The following AMOTL1 variants were observed in gnomAD, a reference collection of about 807,000 sequenced individuals.
AMOTL1 encodes the protein angiomotin-like protein 1.
AMOTL1 carries 45 observed loss-of-function variants against 102.9 expected under a neutral mutation model. That is an observed-to-expected ratio of 0.44 (90% CI 0.34 to 0.56). The LOEUF is 0.56. Ranked by LOEUF, AMOTL1 falls within the 20% of genes least tolerant of loss-of-function variation. The pLI is 0.01. For synonymous variants in AMOTL1, 481 were observed against 484.7 expected, an observed-to-expected ratio of 0.99 and a Z score of 0.10; for missense variants, 1,114 against 1,225.6, an observed-to-expected ratio of 0.91 and a Z score of 1.36.
chr11:94,708,670 T>C (rs1216831922), intron 1 of AMOTL1, among the ~76,000 whole-genome samples: 1 of 152,234 alleles, frequency 6.6e-6, no homozygotes, highest in Non-Finnish European at 1.5e-5. Flanking sequence ...TAAGTATTCA[T>C]GTGTATGTGT....
At chr11:94,759,802 G>C (rs1159045322) in intron 3 of AMOTL1, among the ~76,000 whole-genome samples, 1 of 152,204 alleles carries the variant, frequency 6.6e-6, no homozygotes, top group Non-Finnish European at 1.5e-5. Context: ...GTTCAACATA[G>C]AAAACTGGAT....
Position 94,875,532 on chromosome 11 carries a change from G to A in AMOTL1, c.*4737G>A, listed in dbSNP as rs1171239683. ...CTATGTGCTCATTGACTATAGTGCT[G>A]CCAAGTAAAAATATCTTGGGAACTC... is the stretch of plus-strand genomic sequence containing the variant. On this transcript the variant is annotated 3_prime_UTR_variant, in exon 13 of 13. Transcript: ENST00000433060. 6.6e-6 allele frequency: 1 copy of A among 152,146 alleles called. No individual in the cohort carries two copies. The highest frequency in any genetic ancestry group is 2.4e-5 in the African/African-American group (1 of 41,418). 9.4% of individuals were successfully genotyped at this position (152,146 alleles called of 1,614,324 possible).
At chr11:94,746,922 T>G (rs1037230111) in intron 3 of AMOTL1, among the ~76,000 whole-genome samples, 1 of 152,054 alleles carries the variant, frequency 6.6e-6, no homozygotes, top group African/African-American at 2.4e-5. Context: ...TAAATATTTG[T>G]TGAATGACGG....
chr11:94,714,209 C>G (rs1950061113), intron 1 of AMOTL1, among the ~76,000 whole-genome samples: 1 of 151,964 alleles, frequency 6.6e-6, no homozygotes, highest in African/African-American at 2.4e-5. Flanking sequence ...AATATTGAAC[C>G]AGCCTTACAT....
At chr11:94,763,688 T>C (rs1950822059), upstream of AMOTL1, among the ~76,000 whole-genome samples, 1 of 152,124 alleles carries the variant, frequency 6.6e-6, no homozygotes. Flanking sequence ...GAAAAGAAAA[T>C]GTTATTAAGA....
intron 1 of AMOTL1, among the ~76,000 whole-genome samples, chr11:94,711,391 A>T (rs775423909): frequency 1.3e-5 from 2 of 152,118 alleles, no homozygotes; most frequent in Non-Finnish European, 2.9e-5. Context: ...CTATAGTACA[A>T]TATCAAAACC....
At chr11:94,718,418 T>TAA (rs1485684982) in intron 1 of AMOTL1, among the ~76,000 whole-genome samples, 2 of 152,052 alleles carry the variant, frequency 1.3e-5, no homozygotes, top group East Asian at 1.9e-4. Flanking sequence ...AATTGCTTTC[T>TAA]GTAGAATAGA....
At chr11:94,773,862 T>A (rs1464736893) in intron 1 of AMOTL1, among the ~76,000 whole-genome samples, 1 of 152,194 alleles carries the variant, frequency 6.6e-6, no homozygotes, top group Non-Finnish European at 1.5e-5. Context: ...GTTGAATAGA[T>A]TAAGAGTTAT....
chr11:94,773,424 C>G (rs1950981580), intron 1 of AMOTL1, among the ~76,000 whole-genome samples: 1 of 152,176 alleles, frequency 6.6e-6, no homozygotes, highest in South Asian at 2.1e-4. Context: ...AGCTTATAAA[C>G]CATCTATTAG....
chr11:94,831,488 G>A lies in AMOTL1; in HGVS notation c.1595G>A (p.Arg532Lys). 6.2e-7 allele frequency: 1 copy of A among 1,613,900 alleles called. No individual in the cohort carries two copies. Among genetic ancestry groups the A allele is most frequent in the Non-Finnish European group, 8.5e-7 (1 of 1,179,794 alleles). ...ACTGCTAACAGGCAACTATCCAGCA[G>A]GGAATACGAAGGGCATGAAGACAAA... ...LETANRQLSS[R>K]EYEGHEDKAA... The change falls in exon 6 of 13, where the codon AGG (arginine) becomes AAG (lysine). Residue 532 changes from arginine (R) to lysine (K), a missense_variant. Physicochemically the swap from Arg to Lys is conservative, Grantham distance 26. Coordinates refer to ENST00000433060, the MANE Select transcript of AMOTL1 (RefSeq NM_130847.3).
At chr11:94,832,503 T>C (rs761222870) in intron 6 of AMOTL1, among the ~76,000 whole-genome samples, 6 of 152,244 alleles carry the variant, frequency 3.9e-5, no homozygotes, top group Non-Finnish European at 8.8e-5. Context: ...TTCCAGCTAT[T>C]AATACTAGCT....
At chr11:94,848,621 G>T (rs1160280898) in intron 6 of AMOTL1, among the ~76,000 whole-genome samples, 1 of 152,180 alleles carries the variant, frequency 6.6e-6, no homozygotes, top group Admixed American at 6.5e-5. Flanking sequence ...GTCCCCACTG[G>T]CTGGGAGACC....
chr11:94,833,280 G>A (rs1952110551), intron 6 of AMOTL1, among the ~76,000 whole-genome samples: 1 of 152,168 alleles, frequency 6.6e-6, no homozygotes, highest in Non-Finnish European at 1.5e-5. Context: ...ATCTTTGCAG[G>A]ACACTTTGTG....
At chr11:94,846,154 G>A (rs993818509) in intron 6 of AMOTL1, among the ~76,000 whole-genome samples, 2 of 152,168 alleles carry the variant, frequency 1.3e-5, no homozygotes, top group Non-Finnish European at 2.9e-5. Context: ...TCACTGCCTT[G>A]ATACCCCATC....
At chr11:94,870,575 TG>T in intron 12 of AMOTL1, 113 bp from the exon 13 acceptor site, 1 of 685,140 alleles carries the variant, frequency 1.5e-6, no homozygotes, top group Non-Finnish European at 2.4e-6. Context: ...ACATGCCCTG[TG>T]GTGAGAATCC....
At chr11:94,848,857 A>G (rs1952474132) in intron 6 of AMOTL1, among the ~76,000 whole-genome samples, 1 of 152,242 alleles carries the variant, frequency 6.6e-6, no homozygotes, top group African/African-American at 2.4e-5. Flanking sequence ...TTCAGAACAC[A>G]TAGTGCTGGT....
At chr11:94,753,499 G>C (rs933971074) in intron 3 of AMOTL1, among the ~76,000 whole-genome samples, 2 of 152,120 alleles carry the variant, frequency 1.3e-5, no homozygotes, top group Non-Finnish European at 2.9e-5. Context: ...TATTTATTGA[G>C]TGCTTTTCAT....
At chr11:94,869,831 G>A (rs942360806) in intron 12 of AMOTL1, among the ~76,000 whole-genome samples, 5 of 152,204 alleles carry the variant, frequency 3.3e-5, no homozygotes. Context: ...AAAGGCACAA[G>A]TTCACTGTTG....
intron 3 of AMOTL1, among the ~76,000 whole-genome samples, chr11:94,817,556 A>G (rs1020383696): frequency 6.6e-6 from 1 of 152,230 alleles, no homozygotes; most frequent in African/African-American, 2.4e-5. Flanking sequence ...AATATATCTT[A>G]GTAAATGTTA....
Sources: allele counts gnomAD v4.1 joint callset (sites outside exome capture counted in the v4.1 genomes callset), GRCh38; gene constraint gnomAD v4.1.1; transcripts MANE v1.5; gene names NCBI Gene and HGNC (gene_info 2026-07-23, HGNC 2026-07-21).